Variants in AOX1 observed in about 807,000 individuals in gnomAD.
The protein encoded by AOX1 is aldehyde oxidase 1.
AOX1 carries 153 observed loss-of-function variants against 169.5 expected under a neutral mutation model. The ratio of observed to expected loss-of-function variants is 0.90; its 90% CI spans 0.79 to 1.03. The LOEUF (loss-of-function observed/expected upper bound fraction) is 1.03. Ranked by LOEUF, AOX1 falls within the 50% of genes least tolerant of loss-of-function variation. AOX1 has a pLI of 0.00. For synonymous variants in AOX1, 562 were observed against 581.9 expected, an observed-to-expected ratio of 0.97 and a Z score of 0.49; for missense variants, 1,656 against 1,663.9, an observed-to-expected ratio of 1.00 and a Z score of 0.08.
rs995662296 is a variant in AOX1 at position 200,642,897 on chromosome 2, G to A, written c.2847+96G>A. 23 of 1,241,720 alleles carry A rather than the reference G, an allele frequency of 1.9e-5. No individual in the cohort carries two copies. In the African/African-American group the frequency reaches 2.9e-4, roughly 16 times the overall value. The allele number at this position is 1,241,720 out of a possible 1,614,324, so 76.9% of individuals were successfully genotyped here. On this transcript the variant is annotated intron_variant, in intron 25 of 34. Transcript: ENST00000374700. ...CAGGTTGAGGAATTTGAGACCCAGAGGGGCAAATGATTTGTGCCAAGTCCC... is the reference window on the plus strand; with the variant it reads ...CAGGTTGAGGAATTTGAGACCCAGAAGGGCAAATGATTTGTGCCAAGTCCC...
chr2:200,595,196 A>T, intron 2 of AOX1, 76 bp from the exon 3 acceptor site: 1 of 1,031,172 alleles, frequency 9.7e-7, no homozygotes, highest in Non-Finnish European at 1.5e-6. Flanking sequence ...CTGTGATATT[A>T]CTGTCTCCTA....
chr2:200,615,823 A>G (rs1291961470), intron 15 of AOX1, 148 bp from the exon 16 acceptor site: 1 of 610,106 alleles, frequency 1.6e-6, no homozygotes, highest in Admixed American at 2.9e-5. Flanking sequence ...AGCTGCTTGT[A>G]TTTCTGGGGT....
chr2:200,599,791 TA>T, intron 5 of AOX1, 45 bp downstream of exon 5: 1 of 1,346,922 alleles, frequency 7.4e-7, no homozygotes, highest in Non-Finnish European at 9.6e-7. Flanking sequence ...TTTATTTATT[TA>T]TTTATTTTTT....
At chr2:200,615,218 G>T (rs565400746) in intron 15 of AOX1, among the ~76,000 whole-genome samples, 11 of 152,198 alleles carry the variant, frequency 7.2e-5, no homozygotes, top group Admixed American at 4.6e-4. Context: ...TGTTGCTCAA[G>T]CTGGTCTTGA....
At chr2:200,593,109 GCT>G (rs2034208596) in intron 1 of AOX1, 35 bp from the exon 2 acceptor site, 1 of 1,496,784 alleles carries the variant, frequency 6.7e-7, no homozygotes, top group Non-Finnish European at 9.3e-7. Context: ...TTTCATATTA[GCT>G]CTCTCAACTA....
chr2:200,624,805 C>T (rs759425557), intron 19 of AOX1, among the ~76,000 whole-genome samples: 1 of 152,088 alleles, frequency 6.6e-6, no homozygotes, highest in Non-Finnish European at 1.5e-5. Flanking sequence ...CTTATAATTT[C>T]CTGGATGATG....
chr2:200,647,835 C>T (rs1287292460), intron 25 of AOX1, among the ~76,000 whole-genome samples: 1 of 152,106 alleles, frequency 6.6e-6, no homozygotes, highest in Non-Finnish European at 1.5e-5. Flanking sequence ...AAGACCTTGT[C>T]TTCGAGCTCT....
intron 24 of AOX1, among the ~76,000 whole-genome samples, chr2:200,642,312 C>T (rs999583700): frequency 2.0e-5 from 3 of 152,028 alleles, no homozygotes; most frequent in Non-Finnish European, 2.9e-5. Context: ...ATTCTATAGA[C>T]CCAGTGCTCA....
intron 1 of AOX1, among the ~76,000 whole-genome samples, chr2:200,592,311 G>A (rs980272163): frequency 6.6e-6 from 1 of 152,176 alleles, no homozygotes; most frequent in Non-Finnish European, 1.5e-5. Flanking sequence ...CCTAGAATAA[G>A]CATATGTCCA....
chr2:200,675,250 CAG>C, downstream of AOX1, among the ~76,000 whole-genome samples: 1 of 152,240 alleles, frequency 6.6e-6, no homozygotes, highest in South Asian at 2.1e-4. Flanking sequence ...GCATTTATAA[CAG>C]AGAATGGTTG....
chr2:200,605,437 A>T (rs531465639), intron 9 of AOX1, 99 bp from the exon 10 acceptor site: 1 of 468,146 alleles, frequency 2.1e-6, no homozygotes, highest in Middle Eastern at 5.7e-4. Flanking sequence ...ATATTTTTAG[A>T]TATTTAAAGA....
chr2:200,594,482 G>A (rs143098736), intron 2 of AOX1, among the ~76,000 whole-genome samples: 169 of 152,280 alleles, frequency 1.1e-3, no homozygotes, highest in African/African-American at 3.9e-3. Flanking sequence ...CAATGTTGTT[G>A]AGGAACCAAG....
At position 200,670,689 on chromosome 2, in the gene AOX1, A is replaced by G; in HGVS notation, c.*10A>G. On this transcript the variant is annotated 3_prime_UTR_variant, in exon 35 of 35. Transcript: ENST00000374700. ...GAATGTACCCATCTGAATCAAATGC[A>G]AACTTCTGGAGAAAACAGAGTGCCT... The G allele has an allele frequency of 6.2e-7, 1 of 1,609,970 alleles. No homozygotes were observed. Among genetic ancestry groups the G allele is most frequent in the Non-Finnish European group, 8.5e-7 (1 of 1,177,026 alleles).
chr2:200,662,786 G>A (rs1325864508), intron 30 of AOX1, 69 bp from the exon 31 acceptor site: 3 of 1,219,386 alleles, frequency 2.5e-6, no homozygotes, highest in Non-Finnish European at 3.7e-6. Context: ...ATCCTCATGG[G>A]TCTGTTTAGT....
At chr2:200,616,119 C>A in intron 16 of AOX1, 56 bp downstream of exon 16, 1 of 1,246,222 alleles carries the variant, frequency 8.0e-7, no homozygotes, top group South Asian at 1.2e-5. Context: ...GTGATTTGAC[C>A]TGGACATTCC....
chr2:200,629,535 C>T (rs1449863206), intron 20 of AOX1, among the ~76,000 whole-genome samples: 1 of 152,166 alleles, frequency 6.6e-6, no homozygotes, highest in Admixed American at 6.5e-5. Flanking sequence ...CTAGAGATCC[C>T]TGTGCCCTTT....
rs114483614 is a variant in AOX1, at chr2:200,616,016, T to C, written c.1657T>C (p.Leu553=). 8.2e-4 allele frequency: 1,320 copies of C among 1,613,956 alleles called. 5 individuals are homozygous for C. The African/African-American group carries it at 0.016, about 20-fold the overall frequency. ...CCTTGCAGACAAGTATGAAAGTGCT[T>C]TAGAAGATCTTCATTCCAAACATCA... ...PSLADKYESA[L]EDLHSKHHCS... is the part of the protein sequence containing the mutation. Residue 553 remains leucine, a synonymous_variant, in exon 16 of 35, where the codon TTA becomes CTA. Transcript: ENST00000374700.
downstream of AOX1, among the ~76,000 whole-genome samples, chr2:200,679,734 G>A (rs2036137630): frequency 1.3e-5 from 2 of 151,750 alleles, no homozygotes; most frequent in Admixed American, 6.6e-5. Flanking sequence ...TTTGAGTCCT[G>A]CCACAAAGAC....
intron 1 of AOX1, among the ~76,000 whole-genome samples, chr2:200,586,757 A>T (rs1343584770): frequency 6.6e-6 from 1 of 152,200 alleles, no homozygotes; most frequent in Non-Finnish European, 1.5e-5. Flanking sequence ...CAAGGTCCTC[A>T]CGGGTTCCAC....
Sources: allele counts gnomAD v4.1 joint callset (sites outside exome capture counted in the v4.1 genomes callset), GRCh38; gene constraint gnomAD v4.1.1; transcripts MANE v1.5; gene names NCBI Gene and HGNC (gene_info 2026-07-23, HGNC 2026-07-21).